NOXRED1: variants seen among roughly 807,000 people sequenced by gnomAD.
NOXRED1 encodes NADP-dependent oxidoreductase domain-containing protein 1.
NOXRED1 carries 20 observed loss-of-function variants against 30.4 expected under a neutral mutation model. The observed-to-expected ratio is 0.66, with a 90% confidence interval of 0.46 to 0.96. The LOEUF (loss-of-function observed/expected upper bound fraction) is 0.96, where lower values mean the gene tolerates loss of function less well. NOXRED1 is among the 40% of genes least tolerant of loss of function. The probability of loss-of-function intolerance (pLI) is 0.00; values close to 1 mark genes in which losing one functional copy is unlikely to be tolerated. For missense variants in NOXRED1, 374 were observed against 428.0 expected (o/e 0.87, Z 1.11); for synonymous variants, 155 against 168.0 (o/e 0.92, Z 0.60).
chr14:77,394,942 GA>G (rs1372069986), intron 5 of NOXRED1, 137 bp from the exon 6 acceptor site: 1 of 589,652 alleles, frequency 1.7e-6, no homozygotes, highest in Non-Finnish European at 3.0e-6. Context: ...TCATAAACTA[GA>G]AATTCAGCTA....
upstream of NOXRED1, among the ~76,000 whole-genome samples, chr14:77,425,723 G>A (rs964373908): frequency 4.6e-5 from 7 of 152,212 alleles, no homozygotes; most frequent in African/African-American, 9.7e-5. Flanking sequence ...GTTTAGCAGC[G>A]TCCCTGACCT....
intron 4 of NOXRED1, 153 bp downstream of exon 4, chr14:77,406,571 C>G (rs1317536052): frequency 2.3e-6 from 2 of 861,336 alleles, no homozygotes; most frequent in African/African-American, 3.4e-5. Context: ...AAGTAGCTCT[C>G]CTGCAGTACC....
intron 5 of NOXRED1, among the ~76,000 whole-genome samples, chr14:77,401,879 G>A (rs1481247139): frequency 4.6e-5 from 7 of 152,132 alleles, no homozygotes; most frequent in Admixed American, 3.9e-4. Context: ...AAATAGACCC[G>A]CATAAATATA....
chr14:77,421,600 AC>A (rs993949529), intron 1 of NOXRED1, among the ~76,000 whole-genome samples: 3 of 152,190 alleles, frequency 2.0e-5, no homozygotes, highest in Non-Finnish European at 4.4e-5. Context: ...CAAAAACAAA[AC>A]AAAAAAGAAC....
intron 5 of NOXRED1, among the ~76,000 whole-genome samples, chr14:77,402,424 A>G (rs957622476): frequency 6.6e-6 from 1 of 152,034 alleles, no homozygotes; most frequent in Admixed American, 6.5e-5. Context: ...TCGGGAGTTC[A>G]AGACCAGCCT....
At chr14:77,402,029 G>T (rs1029081514) in intron 5 of NOXRED1, among the ~76,000 whole-genome samples, 4 of 152,108 alleles carry the variant, frequency 2.6e-5, no homozygotes, top group African/African-American at 4.8e-5. Flanking sequence ...ACCCTTCACA[G>T]AAGTTAAGTC....
upstream of NOXRED1, among the ~76,000 whole-genome samples, chr14:77,425,592 T>C (rs1895103935): frequency 6.6e-6 from 1 of 152,208 alleles, no homozygotes; most frequent in African/African-American, 2.4e-5. Flanking sequence ...TACCTGGAAT[T>C]GCAAAGTGGA....
Position 77,407,446 on chromosome 14 carries a change from T to G in NOXRED1, c.530+19A>C. 1 of 1,595,260 alleles carries G rather than the reference T, an allele frequency of 6.3e-7. No individual in the cohort carries two copies. Among genetic ancestry groups the G allele is most frequent in the Non-Finnish European group, 8.6e-7 (1 of 1,163,672 alleles). On this transcript the variant is annotated intron_variant, in intron 3 of 5. Transcript: ENST00000380835. ...GACAGAGCAGTTGTGCCAGTTCCAT[T>G]CTCACCCTAACAAGATACCTGGGTA... is the stretch of plus-strand genomic sequence containing the variant.
intron 2 of NOXRED1, among the ~76,000 whole-genome samples, chr14:77,411,212 T>C (rs1208402269): frequency 6.6e-6 from 1 of 152,114 alleles, no homozygotes; most frequent in Non-Finnish European, 1.5e-5. Flanking sequence ...CTCACGCTTG[T>C]AATCCCAGCA....
At chr14:77,397,986 A>T (rs555636739) in intron 5 of NOXRED1, among the ~76,000 whole-genome samples, 1 of 152,146 alleles carries the variant, frequency 6.6e-6, no homozygotes, top group South Asian at 2.1e-4. Context: ...TGAACTAAAA[A>T]ATCAATAACT....
chr14:77,406,718 C>T lies in NOXRED1; in HGVS notation c.682+6G>A, dbSNP rs750539779. The stretch of plus-strand genomic sequence containing the variant: ...AAAGAATGCCAGAAATATGTTGAGC[C>T]GTGACCAGCAGGACTGTAGGGACAG... On this transcript the variant is annotated splice_donor_region_variant and intron_variant, in intron 4 of 5. Transcript: ENST00000380835. 20 of 1,613,698 alleles carry T rather than the reference C, an allele frequency of 1.2e-5. No homozygotes were observed. Among genetic ancestry groups the T allele is most frequent in the South Asian group, 4.4e-5 (4 of 91,066 alleles).
At chr14:77,401,565 G>A (rs1894328565) in intron 5 of NOXRED1, among the ~76,000 whole-genome samples, 1 of 152,144 alleles carries the variant, frequency 6.6e-6, no homozygotes, top group Non-Finnish European at 1.5e-5. Context: ...GGGCACAATG[G>A]TGTGCACCTG....
Position 77,394,532 on chromosome 14 carries a change from A to G in NOXRED1, c.*99T>C. 1.2e-6 allele frequency: 1 copy of G among 840,628 alleles called. No individual in the cohort carries two copies. The highest frequency in any genetic ancestry group is 1.9e-6 in the Non-Finnish European group (1 of 523,766). The allele number at this position is 840,628 out of a possible 1,614,324, so 52.1% of individuals were successfully genotyped here. ...TGATGTCTATCATGTGGCAAACACA[A>G]TACAGCCACAAGACTCCCACAGTCA... is the stretch of plus-strand genomic sequence containing the variant. On this transcript the variant is annotated 3_prime_UTR_variant, in exon 6 of 6. Transcript: ENST00000380835.
chr14:77,423,240 G>C lies in NOXRED1; in HGVS notation c.-351C>G, dbSNP rs1288642944. ...TTACAACAGCAATTGAGTTTTACAGGTATTCTTGGGCCAGGACGTTTTCCC... is the reference window on the plus strand; with the variant it reads ...TTACAACAGCAATTGAGTTTTACAGCTATTCTTGGGCCAGGACGTTTTCCC... On this transcript the variant is annotated 5_prime_UTR_variant, in exon 1 of 6. Coordinates refer to ENST00000380835, the MANE Select transcript of NOXRED1 (RefSeq NM_001113475.3). Among the ~76,000 whole-genome samples the C allele has an allele frequency of 1.4e-4, 21 of 152,262 alleles. 1 individual carries two copies. Among genetic ancestry groups the C allele is most frequent in the Admixed American group, 1.4e-3 (21 of 15,300 alleles).
At chr14:77,425,828 T>C (rs542252814), upstream of NOXRED1, among the ~76,000 whole-genome samples, 1 of 152,214 alleles carries the variant, frequency 6.6e-6, no homozygotes, top group Admixed American at 6.5e-5. Context: ...CTGCCTCCAG[T>C]TGAGAGCCAT....
Position 77,404,641 on chromosome 14 carries a change from A to G in NOXRED1, c.905+1272T>C, listed in dbSNP as rs376029417. Reference sequence around the variant, plus strand: ...AAAAGAAGTATAGCATGAAAAGAAAAGGGCCTAGGATAGAGCCCTGAAAAC... The same window carrying G: ...AAAAGAAGTATAGCATGAAAAGAAAGGGGCCTAGGATAGAGCCCTGAAAAC... On this transcript the variant is annotated intron_variant, in intron 5 of 5. Transcript: ENST00000380835. Among the ~76,000 whole-genome samples, 6 of 152,266 alleles carry G rather than the reference A, an allele frequency of 3.9e-5. No individual in the cohort carries two copies. The East Asian group carries it at 1.2e-3, about 29-fold the overall frequency.
chr14:77,398,982 A>G (rs1894254841), intron 5 of NOXRED1, among the ~76,000 whole-genome samples: 1 of 152,120 alleles, frequency 6.6e-6, no homozygotes, highest in Non-Finnish European at 1.5e-5. Context: ...AACAAACAAA[A>G]AAAAGCCTAT....
chr14:77,399,949 A>G (rs1894282360), intron 5 of NOXRED1, among the ~76,000 whole-genome samples: 1 of 152,158 alleles, frequency 6.6e-6, no homozygotes, highest in South Asian at 2.1e-4. Context: ...GAGACTACAG[A>G]AAAACAAAAA....
rs1206828159 is a variant in NOXRED1, at chr14:77,411,668, T to A, written c.349+2266A>T. 3.3e-5 allele frequency among the ~76,000 whole-genome samples: 5 copies of A among 152,092 alleles called. No homozygotes were observed. The South Asian group carries it at 1.0e-3, about 32-fold the overall frequency. Reference sequence around the variant, plus strand: ...CTTCAGGGAAGTGGACAGAAAGGGATTACCAAAGACAAGTGGCAACTTTTG... The same window carrying A: ...CTTCAGGGAAGTGGACAGAAAGGGAATACCAAAGACAAGTGGCAACTTTTG... On this transcript the variant is annotated intron_variant, in intron 2 of 5. Coordinates refer to ENST00000380835, the MANE Select transcript of NOXRED1 (RefSeq NM_001113475.3).
Sources: allele counts gnomAD v4.1 joint callset (sites outside exome capture counted in the v4.1 genomes callset), GRCh38; gene constraint gnomAD v4.1.1; transcripts MANE v1.5; gene names NCBI Gene and HGNC (gene_info 2026-07-23, HGNC 2026-07-21).